The following ATP11A variants were observed in gnomAD, a reference collection of about 807,000 sequenced individuals.
The protein encoded by ATP11A is ATPase phospholipid transporting 11A.
ATP11A carries 81 observed loss-of-function variants against 154.4 expected under a neutral mutation model. That is an observed-to-expected ratio of 0.52 (90% CI 0.44 to 0.63). The LOEUF (loss-of-function observed/expected upper bound fraction) is 0.63. Ranked by LOEUF, ATP11A falls within the 30% of genes least tolerant of loss-of-function variation. The pLI is 0.00. For synonymous variants in ATP11A, 623 were observed against 585.9 expected (o/e 1.06, Z -0.91); for missense variants, 1,316 against 1,474.3 (o/e 0.89, Z 1.76).
intron 1 of ATP11A, among the ~76,000 whole-genome samples, chr13:112,768,318 C>T (rs936051535): frequency 6.6e-6 from 1 of 152,238 alleles, no homozygotes; most frequent in Admixed American, 6.5e-5. Context: ...GTGGAGTTGG[C>T]GTCGGCCACT....
At chr13:112,761,676 G>A (rs1290256623) in intron 1 of ATP11A, among the ~76,000 whole-genome samples, 3 of 148,152 alleles carry the variant, frequency 2.0e-5, no homozygotes, top group African/African-American at 7.5e-5. Flanking sequence ...AGGGGACATC[G>A]TGCACATAGG....
chr13:112,832,783 A>T lies in ATP11A; in HGVS notation c.1396-77A>T, dbSNP rs980614742. On this transcript the variant is annotated intron_variant, in intron 13 of 29. Transcript: ENST00000375645. ...GACCCCCCCCACCCCGCTTCTTGTT[A>T]TCTCTCTGCGCCTGTTTCCCTCTAT... The T allele has an allele frequency of 2.5e-5, 37 of 1,500,872 alleles. No homozygotes were observed. In the African/African-American group the frequency reaches 4.3e-4, roughly 17 times the overall value. The allele number at this position is 1,500,872 out of a possible 1,614,324, so 93.0% of individuals were successfully genotyped here.
chr13:112,799,859 A>G (rs554654550), intron 2 of ATP11A, among the ~76,000 whole-genome samples: 164 of 152,372 alleles, frequency 1.1e-3, no homozygotes, highest in Non-Finnish European at 2.1e-3. Context: ...ACCACAGTAG[A>G]ATTAAACTAG....
chr13:112,693,171 C>T (rs1885389178), intron 1 of ATP11A, among the ~76,000 whole-genome samples: 1 of 152,208 alleles, frequency 6.6e-6, no homozygotes, highest in Admixed American at 6.6e-5. Context: ...TAGCCAGGTA[C>T]TCCACACTGT....
chr13:112,704,992 C>T (rs1010430864), intron 1 of ATP11A, among the ~76,000 whole-genome samples: 2 of 152,154 alleles, frequency 1.3e-5, no homozygotes, highest in African/African-American at 2.4e-5. Flanking sequence ...CTTCACTTTC[C>T]GATAAAATGC....
chr13:112,856,297 A>G, intron 20 of ATP11A: 1 of 456,198 alleles, frequency 2.2e-6, no homozygotes, highest in East Asian at 3.7e-5. Context: ...AGTCAGATGT[A>G]TGACCCTTCC....
chr13:112,792,974 G>A (rs990512856), intron 2 of ATP11A, among the ~76,000 whole-genome samples: 5 of 152,186 alleles, frequency 3.3e-5, no homozygotes, highest in Admixed American at 6.5e-5. Flanking sequence ...TCTGCAATTC[G>A]TAGGTATAGC....
rs1214859847 is a variant in ATP11A at position 112,690,317 on chromosome 13, G to C, written c.-100G>C. ...CGCCCGGCGCGCCGAGGCCGTGACCGGAGCGGGGGGCGCGGCCGCACTAGT... is the reference window on the plus strand; with the variant it reads ...CGCCCGGCGCGCCGAGGCCGTGACCCGAGCGGGGGGCGCGGCCGCACTAGT... On this transcript the variant is annotated 5_prime_UTR_variant, in exon 1 of 30. Coordinates refer to ENST00000375645, the MANE Select transcript of ATP11A (RefSeq NM_015205.3). The surrounding 1 kb of genome is among the most constrained non-coding windows in gnomAD (Gnocchi z 5.6). 5 of 952,266 alleles carry C rather than the reference G, an allele frequency of 5.3e-6. No individual in the cohort carries two copies. Among genetic ancestry groups the C allele is most frequent in the African/African-American group, 1.7e-5 (1 of 57,366 alleles). The allele number at this position is 952,266 out of a possible 1,614,324, so 59.0% of individuals were successfully genotyped here.
At position 112,831,495 on chromosome 13, in the gene ATP11A, C is replaced by G. The variant is rs150745314; in HGVS notation, c.1342C>G (p.Pro448Ala). 2 of 1,614,054 alleles carry G rather than the reference C, an allele frequency of 1.2e-6. No individual in the cohort carries two copies. The highest frequency in any genetic ancestry group is 2.7e-5 in the African/African-American group (2 of 74,916). ...PHVICNGQVLPESSGIDMIDS... is the reference protein window; with the variant it reads ...PHVICNGQVLAESSGIDMIDS... ...CGTCATCTGCAACGGGCAGGTCCTC[C>G]CAGAGTCGTCAGGAATCGACATGAT... Residue 448 changes from proline to alanine, a missense_variant, in exon 13 of 30, where the codon CCA (proline) becomes GCA (alanine). By Grantham distance (27) the Pro-to-Ala change is conservative. This residue lies in a region of ATP11A where 876 missense variants were observed against 1,006.8 expected (regional missense o/e 0.87). Coordinates refer to ENST00000375645, the MANE Select transcript of ATP11A (RefSeq NM_015205.3).
rs376140236 is a variant in ATP11A, at chr13:112,701,599, G to A, written c.39+11144G>A. On this transcript the variant is annotated intron_variant, in intron 1 of 29. Coordinates refer to ENST00000375645, the MANE Select transcript of ATP11A (RefSeq NM_015205.3). ...TGTAATCGCAGCACTTTGGGAGGCC[G>A]AGGCGGGCGGATCACGAGGTCGGGA... Among the ~76,000 whole-genome samples, 11 of 152,264 alleles carry A rather than the reference G, an allele frequency of 7.2e-5. No homozygotes were observed. The East Asian group carries it at 1.7e-3, about 24-fold the overall frequency.
Position 112,875,709 on chromosome 13 carries a change from A to T in ATP11A, c.3162-67A>T. 1 of 1,541,922 alleles carries T rather than the reference A, an allele frequency of 6.5e-7. No individual in the cohort carries two copies. The highest frequency in any genetic ancestry group is 1.2e-5 in the South Asian group (1 of 83,848). ...AACTCCCTGAACAGACGGCCTCTCC[A>T]GTGAGTAGAGAGGCCAGCCCCAGGG... On this transcript the variant is annotated intron_variant, in intron 27 of 29. Coordinates refer to ENST00000375645, the MANE Select transcript of ATP11A (RefSeq NM_015205.3). This position sits in a 1 kb window ranked among gnomAD's most constrained non-coding sequence, Gnocchi z 4.1.
At chr13:112,786,769 G>A (rs74115471) in intron 2 of ATP11A, among the ~76,000 whole-genome samples, 2,288 of 151,684 alleles carry the variant, frequency 0.015, 63 homozygotes, top group African/African-American at 0.051. Flanking sequence ...TGCCTGTGGC[G>A]GCCCACCATT....
chr13:112,733,710 T>C (rs994645006), intron 1 of ATP11A, among the ~76,000 whole-genome samples: 3 of 152,240 alleles, frequency 2.0e-5, no homozygotes, highest in African/African-American at 7.2e-5. Context: ...TGCATTAGTC[T>C]ATGCAAATAC....
At chr13:112,782,959 C>T (rs1188780299) in intron 1 of ATP11A, among the ~76,000 whole-genome samples, 1 of 152,266 alleles carries the variant, frequency 6.6e-6, no homozygotes, top group African/African-American at 2.4e-5. Flanking sequence ...TTGATAGTCT[C>T]AGCCAAACAT....
chr13:112,728,408 C>T (rs1054078210), intron 1 of ATP11A, among the ~76,000 whole-genome samples: 4 of 151,162 alleles, frequency 2.6e-5, no homozygotes, highest in South Asian at 2.1e-4. Context: ...GCCCGGCTCC[C>T]TGTGTTACCT....
chr13:112,830,619 C>T (rs1055604797), intron 12 of ATP11A, among the ~76,000 whole-genome samples: 2 of 152,140 alleles, frequency 1.3e-5, no homozygotes, highest in Admixed American at 1.3e-4. Context: ...GATTGAAAAG[C>T]GTTTATTCTA....
intron 1 of ATP11A, among the ~76,000 whole-genome samples, chr13:112,779,114 ACTGGAGTGAGTAGCCG>A (rs71101527): frequency 0.45 from 33,210 of 73,566 alleles, 8,766 homozygotes; most frequent in African/African-American, 0.58. Context: ...GTGAGTAGCC[ACTGGAGTGAGTAGCCG>A]CTGGAGTGAG....
rs112977971 is a variant in ATP11A at position 112,775,052 on chromosome 13, G to A, written c.40-10083G>A. 2.3e-3 allele frequency among the ~76,000 whole-genome samples: 349 copies of A among 152,384 alleles called. 3 individuals are homozygous for A. Among genetic ancestry groups the A allele is most frequent in the South Asian group, 5.6e-3 (27 of 4,832 alleles). Reference sequence around the variant, plus strand: ...CTGCAGCGTGTGCCTCGGATGTGGCGTCTGAGGGACAGCGAGTGGGTTGCC... The same window carrying A: ...CTGCAGCGTGTGCCTCGGATGTGGCATCTGAGGGACAGCGAGTGGGTTGCC... On this transcript the variant is annotated intron_variant, in intron 1 of 29. Coordinates refer to ENST00000375645, the MANE Select transcript of ATP11A (RefSeq NM_015205.3).
At chr13:112,730,958 C>T (rs1379148965) in intron 1 of ATP11A, among the ~76,000 whole-genome samples, 4 of 152,046 alleles carry the variant, frequency 2.6e-5, no homozygotes, top group Non-Finnish European at 2.9e-5. Flanking sequence ...TTTTTTGAGA[C>T]GGAGTCTTGC....
Sources: allele counts gnomAD v4.1 joint callset (sites outside exome capture counted in the v4.1 genomes callset), GRCh38; gene constraint gnomAD v4.1.1; regional missense constraint gnomAD v4.1.1; non-coding constraint Gnocchi (gnomAD v3.1); transcripts MANE v1.5; gene names NCBI Gene and HGNC (gene_info 2026-07-23, HGNC 2026-07-21).